The following ZDHHC11B variants were observed in gnomAD, a reference collection of about 807,000 sequenced individuals.
ZDHHC11B encodes the protein zDHHC palmitoyltransferase 11B (putative), also known as probable palmitoyltransferase ZDHHC11B.
A neutral mutation model predicts 42.3 loss-of-function variants in ZDHHC11B; 17 were observed. The ratio of observed to expected loss-of-function variants is 0.40; its 90% CI spans 0.27 to 0.60. The LOEUF (loss-of-function observed/expected upper bound fraction) is 0.60, where lower values mean the gene tolerates loss of function less well. ZDHHC11B is among the 20% of genes least tolerant of loss of function. The pLI, the probability that ZDHHC11B is intolerant of heterozygous loss-of-function variation, is 0.41. For synonymous variants in ZDHHC11B, 123 were observed against 193.5 expected (o/e 0.64, Z 3.02); for missense variants, 262 against 463.2 (o/e 0.57, Z 3.99).
rs765985649 is a variant in ZDHHC11B, at chr5:716,849, T to C, written c.1075A>G (p.Thr359Ala). Residue 359 changes from threonine (T) to alanine (A), a missense_variant, in exon 13 of 14, where the codon ACA (threonine) becomes GCA (alanine). Physicochemically the swap from Thr to Ala is moderately conservative, Grantham distance 58. Around this residue, in one of 5 missense-constraint regions of ZDHHC11B, gnomAD observed 75 missense variants for 70.1 expected, o/e 1.07. Coordinates refer to ENST00000508859, the MANE Select transcript of ZDHHC11B (RefSeq NM_001351303.2). ...TSTLGLQQET[T>A]EPMKTDSAES... ...GCACTGTCAGTTTTCATGGGCTCTG[T>C]TGTTTCTTGTTGCAGCCTGTTTGCA... The C allele has an allele frequency of 1.2e-6, 2 of 1,613,012 alleles. No homozygotes were observed. The highest frequency in any genetic ancestry group is 1.7e-6 in the Non-Finnish European group (2 of 1,179,562).
chr5:776,361 C>G (rs571992384), intron 1 of ZDHHC11B, among the ~76,000 whole-genome samples: 1 of 151,994 alleles, frequency 6.6e-6, no homozygotes, highest in South Asian at 2.1e-4. Flanking sequence ...GACCTGGACC[C>G]AGGTCGCTGA....
chr5:749,451 G>A (rs1389158711), intron 7 of ZDHHC11B, among the ~76,000 whole-genome samples: 1 of 130,110 alleles, frequency 7.7e-6, no homozygotes, highest in African/African-American at 2.5e-5. Flanking sequence ...TCTGGAACTG[G>A]CGGCCTTGGG....
At chr5:744,940 A>T (rs1328009260) in intron 9 of ZDHHC11B, among the ~76,000 whole-genome samples, 1 of 147,510 alleles carries the variant, frequency 6.8e-6, no homozygotes, top group Non-Finnish European at 1.5e-5. Flanking sequence ...AGAAATGTCC[A>T]GGAGACTCAG....
At chr5:758,185 C>G (rs975745484) in intron 4 of ZDHHC11B, among the ~76,000 whole-genome samples, 1 of 151,892 alleles carries the variant, frequency 6.6e-6, no homozygotes, top group Non-Finnish European at 1.5e-5. Context: ...GGGACGCTAT[C>G]GGTGGCAGCT....
chr5:757,527 G>C (rs1314865254), intron 4 of ZDHHC11B, among the ~76,000 whole-genome samples: 1 of 151,908 alleles, frequency 6.6e-6, no homozygotes, highest in Non-Finnish European at 1.5e-5. Flanking sequence ...ATGGGGTTAG[G>C]GTTTTTATGC....
At position 767,070 on chromosome 5, in the gene ZDHHC11B, C is replaced by T. The variant is rs547028667; in HGVS notation, c.1-151G>A. ...CAGCATTGCCTGGGGCCACGTTCCC[C>T]GCAGAGGGAGCAGGGGTTGGGCTGG... On this transcript the variant is annotated intron_variant, in intron 3 of 13. Transcript: ENST00000508859. 218 of 1,030,726 alleles carry T rather than the reference C, an allele frequency of 2.1e-4. 5 individuals are homozygous for T. The African/African-American group carries it at 2.7e-3, about 13-fold the overall frequency. 63.8% of individuals were successfully genotyped at this position (1,030,726 alleles called of 1,614,324 possible). A position where few individuals can be genotyped will look rare whatever the true frequency, so the allele number is the denominator to read the frequency against.
chr5:769,870 G>A lies in ZDHHC11B; in HGVS notation c.-229-940C>T, dbSNP rs561713732. Among the ~76,000 whole-genome samples, 3 of 152,084 alleles carry A rather than the reference G, an allele frequency of 2.0e-5. No individual in the cohort carries two copies. In the East Asian group the frequency reaches 5.8e-4, roughly 29 times the overall value. On this transcript the variant is annotated intron_variant, in intron 1 of 13. Coordinates refer to ENST00000508859, the MANE Select transcript of ZDHHC11B (RefSeq NM_001351303.2). ...GTGAACCCTTCCTGATGCTAGTGAG[G>A]TTTGGCCTTAAAGGCCTCTCGGCAG... is the stretch of plus-strand genomic sequence containing the variant.
At chr5:727,340 C>T (rs1184546349) in intron 12 of ZDHHC11B, among the ~76,000 whole-genome samples, 2 of 144,222 alleles carry the variant, frequency 1.4e-5, no homozygotes, top group Non-Finnish European at 3.1e-5. Context: ...TGGCTCCCAG[C>T]GGAGTTGGGA....
intron 7 of ZDHHC11B, among the ~76,000 whole-genome samples, chr5:749,510 G>A (rs149998041): frequency 0.012 from 1,586 of 129,890 alleles, 402 homozygotes; most frequent in Non-Finnish European, 0.021. Context: ...TGCCTGGGCC[G>A]GGCTGGACCC....
chr5:759,585 T>C (rs1734316568), intron 4 of ZDHHC11B, among the ~76,000 whole-genome samples: 1 of 151,984 alleles, frequency 6.6e-6, no homozygotes, highest in Non-Finnish European at 1.5e-5. Flanking sequence ...ACAGACGCTG[T>C]GGTGGCGGCG....
intron 1 of ZDHHC11B, among the ~76,000 whole-genome samples, chr5:777,684 T>C (rs1474322931): frequency 1.3e-5 from 2 of 151,958 alleles, no homozygotes; most frequent in Non-Finnish European, 2.9e-5. Flanking sequence ...GACAGAGTGC[T>C]GATTGGTGCA....
At chr5:731,607 T>TC in intron 11 of ZDHHC11B, among the ~76,000 whole-genome samples, 1 of 151,840 alleles carries the variant, frequency 6.6e-6, no homozygotes, top group East Asian at 1.9e-4. Context: ...TTAAATATTC[T>TC]GGATAAAAGT....
chr5:783,931 A>G (rs1179356970), intron 1 of ZDHHC11B, among the ~76,000 whole-genome samples: 1 of 149,614 alleles, frequency 6.7e-6, no homozygotes, highest in African/African-American at 2.5e-5. Context: ...CGGGAGGGAC[A>G]GGCTTCTCAC....
At chr5:763,868 T>G (rs1478125788) in intron 4 of ZDHHC11B, among the ~76,000 whole-genome samples, 3 of 151,878 alleles carry the variant, frequency 2.0e-5, no homozygotes, top group African/African-American at 7.3e-5. Context: ...TCCGAGATTT[T>G]TAAAGGTTAC....
intron 13 of ZDHHC11B, among the ~76,000 whole-genome samples, 199 bp from the exon 14 acceptor site, chr5:712,481 G>A (rs181348401): frequency 0.011 from 1,475 of 136,718 alleles, 54 homozygotes; most frequent in African/African-American, 0.039. Flanking sequence ...TCCCGAGCCA[G>A]GCTCCTGCCC....
intron 1 of ZDHHC11B, among the ~76,000 whole-genome samples, chr5:770,292 G>T (rs548775823): frequency 2.0e-5 from 3 of 150,052 alleles, no homozygotes; most frequent in Non-Finnish European, 3.0e-5. Context: ...CAGCTGCCCC[G>T]CAGGCACGCA....
chr5:778,023 G>C (rs1208092557), intron 1 of ZDHHC11B, among the ~76,000 whole-genome samples: 1 of 151,954 alleles, frequency 6.6e-6, no homozygotes, highest in Non-Finnish European at 1.5e-5. Flanking sequence ...CGGGCTGGCA[G>C]TGCTGGGGGA....
intron 1 of ZDHHC11B, among the ~76,000 whole-genome samples, chr5:773,355 C>A (rs1736210370): frequency 6.6e-6 from 1 of 151,832 alleles, no homozygotes; most frequent in Non-Finnish European, 1.5e-5. Flanking sequence ...TGCTCTTTCA[C>A]CGTGAGGGAA....
intron 10 of ZDHHC11B, among the ~76,000 whole-genome samples, chr5:736,279 A>T (rs1743505352): frequency 1.3e-5 from 2 of 149,938 alleles, no homozygotes; most frequent in African/African-American, 4.9e-5. Flanking sequence ...TCACAATCCT[A>T]ACTATATATG....
Sources: allele counts gnomAD v4.1 joint callset (sites outside exome capture counted in the v4.1 genomes callset), GRCh38; gene constraint gnomAD v4.1.1; regional missense constraint gnomAD v4.1.1; transcripts MANE v1.5; gene names NCBI Gene and HGNC (gene_info 2026-07-23, HGNC 2026-07-21).